Variants in PRKCA observed in about 807,000 individuals in gnomAD.
PRKCA encodes the protein protein kinase C alpha type.
A neutral mutation model predicts 87.0 loss-of-function variants in PRKCA; 27 were observed. That is an observed-to-expected ratio of 0.31 (90% CI 0.23 to 0.43). PRKCA has a LOEUF of 0.43. Ranked by LOEUF, PRKCA falls within the 20% of genes least tolerant of loss-of-function variation. The pLI is 1.00. For synonymous variants in PRKCA, 329 were observed against 311.1 expected, an observed-to-expected ratio of 1.06 and a Z score of -0.61; for missense variants, 518 against 852.3, an observed-to-expected ratio of 0.61 and a Z score of 4.88.
At chr17:66,632,492 A>G (rs1389586581) in intron 3 of PRKCA, among the ~76,000 whole-genome samples, 1 of 151,700 alleles carries the variant, frequency 6.6e-6, no homozygotes, top group Non-Finnish European at 1.5e-5. Context: ...CAGTCCTCCC[A>G]CCTCAGCCTC....
chr17:66,365,907 C>T (rs1908688819), intron 2 of PRKCA, among the ~76,000 whole-genome samples: 1 of 152,196 alleles, frequency 6.6e-6, no homozygotes, highest in African/African-American at 2.4e-5. Flanking sequence ...CACTCATTTA[C>T]CTTTTGTTTC....
At chr17:66,605,579 A>C (rs551622621) in intron 3 of PRKCA, among the ~76,000 whole-genome samples, 4 of 152,360 alleles carry the variant, frequency 2.6e-5, no homozygotes, top group South Asian at 2.1e-4. Flanking sequence ...ATAAGACCCA[A>C]CAATTCCTCT....
intron 8 of PRKCA, among the ~76,000 whole-genome samples, chr17:66,703,006 G>A (rs143505022): frequency 6.6e-6 from 1 of 152,300 alleles, no homozygotes; most frequent in East Asian, 1.9e-4. Flanking sequence ...AATGGAGGTT[G>A]CAGGACTGGA....
chr17:66,482,126 GA>G (rs376872193), intron 2 of PRKCA, among the ~76,000 whole-genome samples: 2 of 142,514 alleles, frequency 1.4e-5, no homozygotes, highest in South Asian at 2.2e-4. Flanking sequence ...AAGAAAAAAA[GA>G]AAAAAAAGAA....
chr17:66,440,584 A>G (rs1429030127), intron 2 of PRKCA, among the ~76,000 whole-genome samples: 1 of 152,172 alleles, frequency 6.6e-6, no homozygotes, highest in East Asian at 1.9e-4. Flanking sequence ...GACAGGCAGG[A>G]GAACTATAGG....
rs539993605 is a variant in PRKCA at position 66,792,585 on chromosome 17, C to T, written c.1854+3606C>T. 3.2e-4 allele frequency among the ~76,000 whole-genome samples: 48 copies of T among 152,288 alleles called. No individual in the cohort carries two copies. The highest frequency in any genetic ancestry group is 1.0e-3 in the African/African-American group (43 of 41,570). On this transcript the variant is annotated intron_variant, in intron 16 of 16. Transcript: ENST00000413366. This position sits in a 1 kb window ranked among gnomAD's most constrained non-coding sequence, Gnocchi z 4.5. Reference sequence around the variant, plus strand: ...AGTGCCATGCAAAATGCGATCCCAGCGCAAAAAGCATCTCACAATGCCGTG... The same window carrying T: ...AGTGCCATGCAAAATGCGATCCCAGTGCAAAAAGCATCTCACAATGCCGTG...
At chr17:66,470,641 A>G (rs1233946089) in intron 2 of PRKCA, among the ~76,000 whole-genome samples, 2 of 152,138 alleles carry the variant, frequency 1.3e-5, no homozygotes, top group Non-Finnish European at 2.9e-5. Context: ...GTGTCAATGC[A>G]GTTCAGACTT....
In PRKCA at chr17:66,486,972, A is replaced by G. The variant is rs114155500; in HGVS notation, c.206-9229A>G. 8.7e-3 allele frequency among the ~76,000 whole-genome samples: 1,332 copies of G among 152,316 alleles called. 18 individuals are homozygous for G. The highest frequency in any genetic ancestry group is 0.031 in the African/African-American group (1,286 of 41,566). On this transcript the variant is annotated intron_variant, in intron 2 of 16. Transcript: ENST00000413366. ...TACAACTATTATGTATCTACATACAATGTGTAATGATAAAATCAGGGCAAC... is the reference window on the plus strand; with the variant it reads ...TACAACTATTATGTATCTACATACAGTGTGTAATGATAAAATCAGGGCAAC...
intron 2 of PRKCA, among the ~76,000 whole-genome samples, chr17:66,428,860 G>C (rs1720493473): frequency 6.6e-6 from 1 of 152,058 alleles, no homozygotes; most frequent in South Asian, 2.1e-4. Flanking sequence ...ACTTAATTTT[G>C]ATGAAATAGA....
At chr17:66,712,595 G>T (rs911986487) in intron 8 of PRKCA, among the ~76,000 whole-genome samples, 2 of 152,104 alleles carry the variant, frequency 1.3e-5, no homozygotes, top group Non-Finnish European at 2.9e-5. Context: ...ATGAAGGGCT[G>T]TCCCTGTCCC....
chr17:66,530,384 G>A (rs778709650), intron 3 of PRKCA, among the ~76,000 whole-genome samples: 4 of 152,122 alleles, frequency 2.6e-5, no homozygotes, highest in Non-Finnish European at 5.9e-5. Context: ...AGTTTTTAAG[G>A]TTCTCCCAAA....
intron 3 of PRKCA, among the ~76,000 whole-genome samples, chr17:66,507,115 A>G (rs930019469): frequency 6.6e-6 from 1 of 152,236 alleles, no homozygotes; most frequent in African/African-American, 2.4e-5. Context: ...TGTGTGAGGT[A>G]TTATGGGAGG....
intron 3 of PRKCA, among the ~76,000 whole-genome samples, chr17:66,514,739 A>G (rs74681290): frequency 0.035 from 5,382 of 152,144 alleles, 129 homozygotes; most frequent in Non-Finnish European, 0.051. Context: ...CCAAAGGTGA[A>G]CTCAAATCAC....
chr17:66,705,969 G>A (rs767069904), intron 8 of PRKCA, among the ~76,000 whole-genome samples: 1 of 152,122 alleles, frequency 6.6e-6, no homozygotes, highest in Non-Finnish European at 1.5e-5. Context: ...GCGGTAAATC[G>A]CAAGGGTTCT....
intron 3 of PRKCA, among the ~76,000 whole-genome samples, chr17:66,514,019 T>C (rs1260058043): frequency 6.6e-6 from 1 of 152,232 alleles, no homozygotes; most frequent in East Asian, 1.9e-4. Context: ...TTTAGTATAG[T>C]ACACTAAGAT....
At chr17:66,583,233 A>G (rs1969496376) in intron 3 of PRKCA, among the ~76,000 whole-genome samples, 1 of 152,204 alleles carries the variant, frequency 6.6e-6, no homozygotes, top group South Asian at 2.1e-4. Flanking sequence ...GAAGTTACAT[A>G]TTAAGTGACA....
chr17:66,387,864 A>G (rs559122547), intron 2 of PRKCA, among the ~76,000 whole-genome samples: 47 of 152,330 alleles, frequency 3.1e-4, no homozygotes, highest in Admixed American at 1.4e-3. Flanking sequence ...TAGACCTGCC[A>G]GATTCCTACC....
Position 66,308,548 on chromosome 17 carries a change from C to T in PRKCA, c.205+2421C>T, listed in dbSNP as rs575213016. ...TTTGCTTTGGTGAAGAATTTAACCT[C>T]AGATCTCTTTAAATAATGAATTACC... On this transcript the variant is annotated intron_variant, in intron 2 of 16. Coordinates refer to ENST00000413366, the MANE Select transcript of PRKCA (RefSeq NM_002737.3). Among the ~76,000 whole-genome samples the T allele has an allele frequency of 4.6e-5, 7 of 152,272 alleles. No homozygotes were observed. The East Asian group carries it at 1.4e-3, about 29-fold the overall frequency.
chr17:66,418,394 A>G (rs1334598804), intron 2 of PRKCA, among the ~76,000 whole-genome samples: 4 of 152,204 alleles, frequency 2.6e-5, no homozygotes, highest in Non-Finnish European at 5.9e-5. Flanking sequence ...GGTTGTGTCA[A>G]AAAGGTACAG....
Sources: allele counts gnomAD v4.1 joint callset (sites outside exome capture counted in the v4.1 genomes callset), GRCh38; gene constraint gnomAD v4.1.1; non-coding constraint Gnocchi (gnomAD v3.1); transcripts MANE v1.5; gene names NCBI Gene and HGNC (gene_info 2026-07-23, HGNC 2026-07-21).